CACNB2: variants seen among roughly 807,000 people sequenced by gnomAD.
CACNB2 encodes voltage-dependent L-type calcium channel subunit beta-2.
In CACNB2, 42 loss-of-function variants were observed where a neutral mutation model predicts 73.3. The ratio of observed to expected loss-of-function variants is 0.57; its 90% confidence interval spans 0.45 to 0.74. CACNB2 has a LOEUF of 0.74. Among genes scored for constraint, CACNB2 ranks in the 30% least tolerant of loss-of-function variants. CACNB2 has a pLI of 0.00. For synonymous variants in CACNB2, 348 were observed against 310.3 expected (o/e 1.12, Z -1.28); for missense variants, 940 against 853.0 (o/e 1.10, Z -1.27).
chr10:18,303,406 G>C (rs1313643806), intron 2 of CACNB2, among the ~76,000 whole-genome samples: 1 of 152,134 alleles, frequency 6.6e-6, no homozygotes, highest in Non-Finnish European at 1.5e-5. Flanking sequence ...TCAGGGGGCT[G>C]AGATAGAAGG....
At chr10:18,235,200 C>T (rs903013231) in intron 2 of CACNB2, among the ~76,000 whole-genome samples, 1 of 151,014 alleles carries the variant, frequency 6.6e-6, no homozygotes, top group African/African-American at 2.4e-5. Context: ...TGCCTGTAAT[C>T]CCAGCACTTT....
At chr10:18,526,589 T>C (rs1345826327) in intron 9 of CACNB2, among the ~76,000 whole-genome samples, 2 of 152,238 alleles carry the variant, frequency 1.3e-5, no homozygotes, top group African/African-American at 2.4e-5. Flanking sequence ...TTTTTCCTAC[T>C]GCTGACTTGA....
At position 18,260,831 on chromosome 10, in the gene CACNB2, A is replaced by C; in HGVS notation, c.213+109856A>C. On this transcript the variant is annotated intron_variant, in intron 2 of 13. Coordinates refer to ENST00000324631, the MANE Select transcript of CACNB2 (RefSeq NM_201596.3). ...AGGAGTAGGCCTCCTGCTTTTCAAA[A>C]GCAGAGTACTGCAGGGTCGCGAAAT... 5 of 1,025,178 alleles carry C rather than the reference A, an allele frequency of 4.9e-6. No individual in the cohort carries two copies. In the South Asian group the frequency reaches 2.0e-4, roughly 40 times the overall value. The allele number at this position is 1,025,178 out of a possible 1,614,324, so 63.5% of individuals were successfully genotyped here. A position where few individuals can be genotyped will look rare whatever the true frequency, so the allele number is the denominator to read the frequency against.
chr10:18,199,679 G>T (rs1405867778), intron 2 of CACNB2, among the ~76,000 whole-genome samples: 1 of 152,172 alleles, frequency 6.6e-6, no homozygotes, highest in Non-Finnish European at 1.5e-5. Context: ...GCCTTTGATG[G>T]ACTTTGATTA....
At chr10:18,347,161 G>GATTTT (rs926594971) in intron 2 of CACNB2, among the ~76,000 whole-genome samples, 28 of 151,792 alleles carry the variant, frequency 1.8e-4, no homozygotes, top group Non-Finnish European at 2.5e-4. Context: ...ACAAGAACAA[G>GATTTT]ATTTTATTTT....
chr10:18,475,610 CT>C (rs2048401197), intron 3 of CACNB2, among the ~76,000 whole-genome samples: 2 of 152,260 alleles, frequency 1.3e-5, no homozygotes, highest in African/African-American at 4.8e-5. Flanking sequence ...GAAGGGGTAC[CT>C]TATTGATCCT....
At chr10:18,280,868 A>G (rs1374226823) in intron 2 of CACNB2, among the ~76,000 whole-genome samples, 1 of 152,202 alleles carries the variant, frequency 6.6e-6, no homozygotes, top group African/African-American at 2.4e-5. Context: ...GGGGCAGGAA[A>G]GATCCTGGGT....
At chr10:18,241,657 AC>A (rs1260482549) in intron 2 of CACNB2, among the ~76,000 whole-genome samples, 5 of 152,190 alleles carry the variant, frequency 3.3e-5, no homozygotes, top group Non-Finnish European at 7.3e-5. Flanking sequence ...AACCATGAAT[AC>A]AAAAATGAGA....
intron 2 of CACNB2, among the ~76,000 whole-genome samples, chr10:18,248,996 C>T (rs1323090031): frequency 1.3e-5 from 2 of 152,310 alleles, no homozygotes; most frequent in Admixed American, 6.5e-5. Flanking sequence ...CTCAATTCTA[C>T]CTGTTGATTC....
At chr10:18,267,423 T>C (rs2037860544) in intron 2 of CACNB2, among the ~76,000 whole-genome samples, 1 of 152,054 alleles carries the variant, frequency 6.6e-6, no homozygotes, top group African/African-American at 2.4e-5. Context: ...CTGGCCAACA[T>C]GGTGAAACCC....
At chr10:18,191,574 T>G (rs1309796257) in intron 2 of CACNB2, among the ~76,000 whole-genome samples, 1 of 152,196 alleles carries the variant, frequency 6.6e-6, no homozygotes, top group African/African-American at 2.4e-5. Flanking sequence ...ATTTGTAGTC[T>G]TTTATCCCTC....
Position 18,334,122 on chromosome 10 carries a change from A to T in CACNB2, c.214-67802A>T, listed in dbSNP as rs574515020. Among the ~76,000 whole-genome samples the T allele has an allele frequency of 2.0e-5, 3 of 152,304 alleles. No individual in the cohort carries two copies. In the South Asian group the frequency reaches 6.2e-4, roughly 32 times the overall value. ...ATTAGTGAGCATGCATCTAGTTATA[A>T]TGTCATTTTCATTAAGCCCTTTTCA... is the stretch of plus-strand genomic sequence containing the variant. On this transcript the variant is annotated intron_variant, in intron 2 of 13. Transcript: ENST00000324631.
intron 2 of CACNB2, among the ~76,000 whole-genome samples, chr10:18,329,522 A>G (rs1419030278): frequency 6.7e-6 from 1 of 148,986 alleles, no homozygotes; most frequent in Non-Finnish European, 1.5e-5. Context: ...AAAAAAAAAA[A>G]GCAGGATAAG....
intron 2 of CACNB2, among the ~76,000 whole-genome samples, chr10:18,395,073 G>T (rs2043652699): frequency 6.6e-6 from 1 of 152,126 alleles, no homozygotes; most frequent in Admixed American, 6.5e-5. Context: ...TTCCAGGAGT[G>T]CCTGAGTATA....
chr10:18,538,106 C>T (rs2053785733), intron 12 of CACNB2, 74 bp from the exon 13 acceptor site: 1 of 1,439,030 alleles, frequency 6.9e-7, no homozygotes, highest in Admixed American at 1.7e-5. Flanking sequence ...GAGCCCCTTC[C>T]TCCTCTTATG....
chr10:18,324,605 C>T (rs1450238929), intron 2 of CACNB2, among the ~76,000 whole-genome samples: 1 of 152,252 alleles, frequency 6.6e-6, no homozygotes, highest in Non-Finnish European at 1.5e-5. Flanking sequence ...GTAATCCCAA[C>T]ACTTTGGGAG....
intron 3 of CACNB2, among the ~76,000 whole-genome samples, chr10:18,459,955 A>G (rs1216150059): frequency 6.6e-6 from 1 of 152,176 alleles, no homozygotes; most frequent in African/African-American, 2.4e-5. Flanking sequence ...CCGAGATCGC[A>G]CCACTGCACT....
At chr10:18,464,403 C>A (rs1472509393) in intron 3 of CACNB2, among the ~76,000 whole-genome samples, 1 of 58,188 alleles carries the variant, frequency 1.7e-5, no homozygotes, top group Non-Finnish European at 4.0e-5. Flanking sequence ...CAGAGTGAGA[C>A]CCTGTCTCAA....
At chr10:18,420,330 CAGAGAG>C (rs147004230) in intron 3 of CACNB2, among the ~76,000 whole-genome samples, 4 of 147,556 alleles carry the variant, frequency 2.7e-5, no homozygotes, top group African/African-American at 5.1e-5. Flanking sequence ...CACACACACA[CAGAGAG>C]AGAGAGAGAG....
Sources: gnomAD v4.1 joint callset for allele counts (sites outside exome capture counted in the v4.1 genomes callset) on GRCh38, gnomAD v4.1.1 for gene constraint, MANE v1.5 for transcripts, NCBI Gene and HGNC (gene_info 2026-07-23, HGNC 2026-07-21) for gene names.